Variants in COL13A1 observed in about 807,000 individuals in gnomAD.
COL13A1 encodes the protein collagen type XIII alpha 1 chain.
In COL13A1, 89 loss-of-function variants were observed where a neutral mutation model predicts 130.9. That is an observed-to-expected ratio of 0.68 (90% CI 0.57 to 0.81). The LOEUF is 0.81. Among genes scored for constraint, COL13A1 ranks in the 30% least tolerant of loss-of-function variants. COL13A1 has a pLI of 0.00. For synonymous variants in COL13A1, 402 were observed against 341.6 expected (o/e 1.18, Z -1.95); for missense variants, 879 against 934.6 (o/e 0.94, Z 0.78).
intron 2 of COL13A1, among the ~76,000 whole-genome samples, chr10:69,843,646 T>G (rs1487792841): frequency 6.6e-6 from 1 of 152,192 alleles, no homozygotes; most frequent in Non-Finnish European, 1.5e-5. Context: ...TGAGAAGGCT[T>G]GTTCTATGGA....
At chr10:69,892,061 G>A (rs561289468) in intron 10 of COL13A1, among the ~76,000 whole-genome samples, 2 of 152,168 alleles carry the variant, frequency 1.3e-5, no homozygotes, top group South Asian at 4.2e-4. Context: ...CCTGTCCAGG[G>A]ATCAGAGCTA....
At chr10:69,827,976 A>G (rs1042317663) in intron 2 of COL13A1, among the ~76,000 whole-genome samples, 19 of 152,322 alleles carry the variant, frequency 1.2e-4, no homozygotes, top group African/African-American at 4.1e-4. Flanking sequence ...TCTGCAGACC[A>G]AAGCGTCCTT....
chr10:69,807,182 A>G (rs1316977781), intron 1 of COL13A1, among the ~76,000 whole-genome samples: 1 of 152,166 alleles, frequency 6.6e-6, no homozygotes, highest in African/African-American at 2.4e-5. Context: ...TAGGGTGCAT[A>G]CAGGGGCCAA....
At chr10:69,806,024 C>A (rs1841467081) in intron 1 of COL13A1, among the ~76,000 whole-genome samples, 1 of 152,270 alleles carries the variant, frequency 6.6e-6, no homozygotes, top group Non-Finnish European at 1.5e-5. Context: ...ATGCTACACC[C>A]CTGCACTTCA....
At chr10:69,911,642 C>A (rs2063392129) in intron 17 of COL13A1, among the ~76,000 whole-genome samples, 1 of 152,258 alleles carries the variant, frequency 6.6e-6, no homozygotes, top group Non-Finnish European at 1.5e-5. Context: ...GAGCTGTTTT[C>A]GTTCTTGTAA....
chr10:69,882,064 G>A (rs1050978140), intron 7 of COL13A1, among the ~76,000 whole-genome samples: 1 of 152,240 alleles, frequency 6.6e-6, no homozygotes. Flanking sequence ...CCTGGAGGAG[G>A]TGCAGCACCA....
At chr10:69,808,601 G>T (rs775367955) in intron 1 of COL13A1, among the ~76,000 whole-genome samples, 96 of 152,310 alleles carry the variant, frequency 6.3e-4, no homozygotes, top group Middle Eastern at 6.8e-3. Context: ...TAGAGTCAGT[G>T]CACAAGAGGA....
intron 13 of COL13A1, chr10:69,897,405 G>T: frequency 6.7e-7 from 1 of 1,501,926 alleles, no homozygotes. Context: ...AGGGGAGCTG[G>T]TGTCTGTGGG....
At chr10:69,893,750 A>G (rs2061398136) in intron 10 of COL13A1, among the ~76,000 whole-genome samples, 1 of 152,222 alleles carries the variant, frequency 6.6e-6, no homozygotes, top group African/African-American at 2.4e-5. Flanking sequence ...TCACTGAGCC[A>G]TGGGGCCTTG....
intron 18 of COL13A1, 94 bp from the exon 19 acceptor site, chr10:69,918,191 A>T: frequency 8.7e-7 from 1 of 1,154,076 alleles, no homozygotes; most frequent in Admixed American, 2.1e-5. Flanking sequence ...CCTCCTTCTC[A>T]TCACACCATG....
chr10:69,953,586 C>T lies in COL13A1; in HGVS notation c.2145+618C>T, dbSNP rs74367261. 7.2e-5 allele frequency among the ~76,000 whole-genome samples: 11 copies of T among 152,298 alleles called. No homozygotes were observed. The East Asian group carries it at 1.7e-3, about 24-fold the overall frequency. On this transcript the variant is annotated intron_variant, in intron 39 of 40. Coordinates refer to ENST00000645393, the MANE Select transcript of COL13A1 (RefSeq NM_001368882.1). ...TGGGAAGCCTTCTCAAAAGAGCCAGCAATTAATGATGAGGCACTTCTGCTG... is the reference window on the plus strand; with the variant it reads ...TGGGAAGCCTTCTCAAAAGAGCCAGTAATTAATGATGAGGCACTTCTGCTG...
chr10:69,914,748 G>A (rs778401338), intron 17 of COL13A1, among the ~76,000 whole-genome samples: 5 of 152,156 alleles, frequency 3.3e-5, no homozygotes, highest in South Asian at 2.1e-4. Context: ...AAGAATGACA[G>A]GAGCCCTCAG....
In COL13A1 at chr10:69,926,980, G is replaced by T. The variant is rs1015313158; in HGVS notation, c.1399-107G>T. ...CCTGCAAGCGTCTCCCTCCACCCAC[G>T]CTCCTTTGAGGGGCCTAGCTCCCAT... On this transcript the variant is annotated intron_variant, in intron 26 of 40. Coordinates refer to ENST00000645393, the MANE Select transcript of COL13A1 (RefSeq NM_001368882.1). The T allele has an allele frequency of 2.5e-5, 37 of 1,505,974 alleles. No homozygotes were observed. The South Asian group carries it at 3.8e-4, about 16-fold the overall frequency. 93.3% of individuals were successfully genotyped at this position (1,505,974 alleles called of 1,614,324 possible).
intron 1 of COL13A1, among the ~76,000 whole-genome samples, chr10:69,812,760 C>T (rs1276528129): frequency 6.6e-6 from 1 of 152,230 alleles, no homozygotes; most frequent in African/African-American, 2.4e-5. Flanking sequence ...ACTGCAATTA[C>T]TTTTGCACCA....
At position 69,822,402 on chromosome 10, in the gene COL13A1, G is replaced by A. The variant is rs2132621496; in HGVS notation, c.328G>A (p.Ala110Thr). The A allele has an allele frequency of 6.3e-7, 1 of 1,594,310 alleles. No individual in the cohort carries two copies. Among genetic ancestry groups the A allele is most frequent in the Non-Finnish European group, 8.5e-7 (1 of 1,170,646 alleles). ...WKLHSRRRRE[A>T]PKTSPGCNCP... ...GCTCCACTCAAGGAGGCGCCGGGAG[G>A]CCCCAAAGACATCTCCAGGATGTAA... Residue 110 changes from alanine to threonine, a missense_variant, in exon 2 of 41, where the codon GCC becomes ACC. This residue lies in a region of COL13A1 where 715 missense variants were observed against 721.0 expected (regional missense o/e 0.99). Coordinates refer to ENST00000645393, the MANE Select transcript of COL13A1 (RefSeq NM_001368882.1).
At position 69,888,329 on chromosome 10, in the gene COL13A1, C is replaced by A; in HGVS notation, c.575C>A (p.Pro192Gln). The change falls in exon 9 of 41, where the codon CCG becomes CAG. Residue 192 changes from proline to glutamine, a missense_variant and splice_region_variant. This residue lies in a region of COL13A1 where 715 missense variants were observed against 721.0 expected (regional missense o/e 0.99). Transcript: ENST00000645393. Reference protein sequence around the residue: ...FPGPIGLDGKPGHPGPKGDMG... With the variant: ...FPGPIGLDGKQGHPGPKGDMG... ...GGTCCCATTGGGCTGGACGGCAAAC[C>A]GGTAAGTGGACCCGCTCTCTCCCCT... 2 of 1,612,586 alleles carry A rather than the reference C, an allele frequency of 1.2e-6. No homozygotes were observed. Among genetic ancestry groups the A allele is most frequent in the Non-Finnish European group, 1.7e-6 (2 of 1,179,392 alleles).
At chr10:69,884,860 C>T (rs2060466429) in intron 7 of COL13A1, among the ~76,000 whole-genome samples, 1 of 151,980 alleles carries the variant, frequency 6.6e-6, no homozygotes, top group Admixed American at 6.6e-5. Flanking sequence ...ATGGGGAGGC[C>T]AGGAATAAAG....
At chr10:69,923,897 A>G (rs374691898) in intron 24 of COL13A1, 42 bp downstream of exon 24, 22 of 1,597,814 alleles carry the variant, frequency 1.4e-5, no homozygotes, top group Admixed American at 6.9e-5. Flanking sequence ...GATGAGGGTC[A>G]GCTTGGGAGG....
At position 69,880,573 on chromosome 10, in the gene COL13A1, C is replaced by T. The variant is rs2060031868; in HGVS notation, c.513+20C>T. On this transcript the variant is annotated intron_variant, in intron 7 of 40. Transcript: ENST00000645393. ...CCCCCTGTAAGTTGTTTTTGCTCTT[C>T]CTCGGGGTGTTGGGGGGATGGGTGA... is the stretch of plus-strand genomic sequence containing the variant. 1 of 1,612,350 alleles carries T rather than the reference C, an allele frequency of 6.2e-7. No individual in the cohort carries two copies. Among genetic ancestry groups the T allele is most frequent in the Non-Finnish European group, 8.5e-7 (1 of 1,179,424 alleles).
Sources: gnomAD v4.1 joint callset for allele counts (sites outside exome capture counted in the v4.1 genomes callset) on GRCh38, gnomAD v4.1.1 for gene constraint, gnomAD v4.1.1 regional missense constraint, MANE v1.5 for transcripts, NCBI Gene and HGNC (gene_info 2026-07-23, HGNC 2026-07-21) for gene names.